RGS21: variants seen among roughly 807,000 people sequenced by gnomAD.
RGS21 encodes the protein regulator of G-protein signalling 21.
RGS21 carries 19 observed loss-of-function variants against 18.7 expected under a neutral mutation model. The observed-to-expected ratio is 1.01, with a 90% CI of 0.71 to 1.49. The LOEUF (loss-of-function observed/expected upper bound fraction) is 1.49. Among genes scored for constraint, RGS21 ranks in the 40% most tolerant of loss-of-function variants. The pLI, the probability that RGS21 is intolerant of heterozygous loss-of-function variation, is 0.00. For synonymous variants in RGS21, 56 were observed against 57.8 expected (o/e 0.97, Z 0.14); for missense variants, 194 against 176.8 (o/e 1.10, Z -0.55).
Position 192,343,018 on chromosome 1 carries a change from A to G in RGS21, c.-19A>G, listed in dbSNP as rs187599012. The stretch of plus-strand genomic sequence containing the variant: ...AAAGAGAAACTCGGCATCATCTGTG[A>G]CAGACAGTGGAACGAAAAATGCCAG... On this transcript the variant is annotated 5_prime_UTR_variant, in exon 2 of 5. Transcript: ENST00000417209. 2 of 1,612,432 alleles carry G rather than the reference A, an allele frequency of 1.2e-6. No individual in the cohort carries two copies. Among genetic ancestry groups the G allele is most frequent in the Non-Finnish European group, 1.7e-6 (2 of 1,178,658 alleles).
chr1:192,365,719 C>CA (rs1394071352), intron 4 of RGS21, among the ~76,000 whole-genome samples: 1 of 152,032 alleles, frequency 6.6e-6, no homozygotes, highest in Admixed American at 6.6e-5. Flanking sequence ...TGTTTCCTGT[C>CA]AATGCTACCC....
rs770499708 is a variant in RGS21 at position 192,366,078 on chromosome 1, A to G, written c.413A>G (p.Asn138Ser). The stretch of plus-strand genomic sequence containing the variant: ...TCAGAGATTTATAAAAAACTGGTAA[A>G]TAGCCAACAGGTTCCAAATCATAAA... ...LKSEIYKKLV[N>S]SQQVPNHKKW... The change falls in exon 5 of 5, where the codon AAT becomes AGT. Residue 138 changes from asparagine to serine, a missense_variant. Asn to Ser is a conservative substitution (Grantham distance 46). Transcript: ENST00000417209. 9 of 1,611,788 alleles carry G rather than the reference A, an allele frequency of 5.6e-6. No individual in the cohort carries two copies. In the East Asian group the frequency reaches 2.0e-4, roughly 36 times the overall value.
chr1:192,317,827 CTTA>C (rs1048696159), intron 1 of RGS21, among the ~76,000 whole-genome samples: 13 of 151,776 alleles, frequency 8.6e-5, no homozygotes, highest in African/African-American at 1.2e-4. Context: ...TAAGTAAAGT[CTTA>C]TTAACTTATA....
chr1:192,350,794 C>T (rs1354477840), intron 3 of RGS21, among the ~76,000 whole-genome samples: 28 of 152,148 alleles, frequency 1.8e-4, no homozygotes, highest in Admixed American at 1.8e-3. Context: ...TAACTAGAGG[C>T]ACTTACCTTC....
chr1:192,330,868 T>TA lies in RGS21; in HGVS notation c.-60-12108dup, dbSNP rs200474748. Among the ~76,000 whole-genome samples the TA allele has an allele frequency of 6.2e-3, 951 of 152,302 alleles. 13 individuals carry two copies. The highest frequency in any genetic ancestry group is 0.021 in the African/African-American group (880 of 41,566). On this transcript the variant is annotated intron_variant, in intron 1 of 4. Transcript: ENST00000417209. Reference sequence around the variant, plus strand: ...AAAACAAAAAATAAGGATTGAATGATAGACAATTGAAAATGAATTCAGTTT... The same window carrying TA: ...AAAACAAAAAATAAGGATTGAATGATAAGACAATTGAAAATGAATTCAGTTT...
intron 1 of RGS21, among the ~76,000 whole-genome samples, chr1:192,323,612 CAT>C (rs1048883631): frequency 3.3e-5 from 5 of 151,890 alleles, no homozygotes; most frequent in Non-Finnish European, 7.4e-5. Flanking sequence ...TAGAAGGAGA[CAT>C]GTGGATAGAG....
intron 4 of RGS21, among the ~76,000 whole-genome samples, chr1:192,356,887 G>C (rs1659119489): frequency 6.6e-6 from 1 of 151,664 alleles, no homozygotes; most frequent in Non-Finnish European, 1.5e-5. Flanking sequence ...CAATGTGCTT[G>C]CTTATTTGTT....
intron 2 of RGS21, among the ~76,000 whole-genome samples, chr1:192,344,581 T>C (rs779339010): frequency 5.3e-5 from 8 of 152,130 alleles, no homozygotes; most frequent in Non-Finnish European, 1.0e-4. Context: ...TTTCAGTTTA[T>C]TCATAGATAC....
chr1:192,326,541 T>C (rs1658570890), intron 1 of RGS21, among the ~76,000 whole-genome samples: 1 of 152,244 alleles, frequency 6.6e-6, no homozygotes, highest in African/African-American at 2.4e-5. Flanking sequence ...GTTTGTCATA[T>C]TGCTTAATCA....
At position 192,343,003 on chromosome 1, in the gene RGS21, T is replaced by A. The variant is rs768276360; in HGVS notation, c.-34T>A. ...TTGAAGATCAGTCAGAAAGAGAAAC[T>A]CGGCATCATCTGTGACAGACAGTGG... On this transcript the variant is annotated 5_prime_UTR_variant, in exon 2 of 5. Coordinates refer to ENST00000417209, the MANE Select transcript of RGS21 (RefSeq NM_001039152.3). 12 of 1,611,134 alleles carry A rather than the reference T, an allele frequency of 7.4e-6. No individual in the cohort carries two copies. The South Asian group carries it at 1.2e-4, about 16-fold the overall frequency.
At chr1:192,351,973 T>C in intron 3 of RGS21, 74 bp from the exon 4 acceptor site, 6 of 766,186 alleles carry the variant, frequency 7.8e-6, no homozygotes, top group Non-Finnish European at 1.0e-5. Flanking sequence ...GCTCATATTA[T>C]ACAATGTACT....
At chr1:192,348,496 A>G (rs1456744477) in intron 3 of RGS21, among the ~76,000 whole-genome samples, 9 of 152,234 alleles carry the variant, frequency 5.9e-5, no homozygotes, top group Admixed American at 5.9e-4. Context: ...ACTTTCAGTG[A>G]ATATGAAAAC....
chr1:192,366,478 C>T lies in RGS21; in HGVS notation c.*354C>T, dbSNP rs1285434405. On this transcript the variant is annotated 3_prime_UTR_variant, in exon 5 of 5. Coordinates refer to ENST00000417209, the MANE Select transcript of RGS21 (RefSeq NM_001039152.3). ...GCATCATATACACAATTTTAAATAC[C>T]ATTGCTTTATTCAAAAAAATCTCAC... The T allele has an allele frequency of 6.5e-6, 1 of 154,002 alleles. No homozygotes were observed. Among genetic ancestry groups the T allele is most frequent in the African/African-American group, 2.4e-5 (1 of 41,452 alleles). The allele number at this position is 154,002 out of a possible 1,614,324, so 9.5% of individuals were successfully genotyped here.
At chr1:192,364,279 T>C (rs1659224976) in intron 4 of RGS21, among the ~76,000 whole-genome samples, 1 of 152,064 alleles carries the variant, frequency 6.6e-6, no homozygotes, top group African/African-American at 2.4e-5. Flanking sequence ...CTCAAGAAGG[T>C]AATCAAAGGA....
chr1:192,334,290 G>C (rs1413005676), intron 1 of RGS21, among the ~76,000 whole-genome samples: 1 of 151,980 alleles, frequency 6.6e-6, no homozygotes, highest in Non-Finnish European at 1.5e-5. Flanking sequence ...GCTCACTTTA[G>C]GTTATCACCT....
At chr1:192,329,951 A>C (rs1347546280) in intron 1 of RGS21, among the ~76,000 whole-genome samples, 2 of 152,178 alleles carry the variant, frequency 1.3e-5, no homozygotes, top group African/African-American at 4.8e-5. Flanking sequence ...CATGTGGTGA[A>C]GAGCTCCCTA....
chr1:192,326,989 T>C (rs544352293), intron 1 of RGS21, among the ~76,000 whole-genome samples: 75 of 152,176 alleles, frequency 4.9e-4, no homozygotes, highest in Non-Finnish European at 8.5e-4. Flanking sequence ...TCAAGGATGG[T>C]AGAAAAATCC....
At chr1:192,355,177 A>G (rs936632330) in intron 4 of RGS21, among the ~76,000 whole-genome samples, 2 of 151,652 alleles carry the variant, frequency 1.3e-5, no homozygotes, top group Non-Finnish European at 3.0e-5. Context: ...GTCATAAGCT[A>G]TTTATCTCTC....
intron 1 of RGS21, among the ~76,000 whole-genome samples, chr1:192,322,020 C>A (rs2102220873): frequency 6.6e-6 from 1 of 152,188 alleles, no homozygotes; most frequent in South Asian, 2.1e-4. Flanking sequence ...ATCTTTTAAA[C>A]ACACAATATG....
Sources: allele counts gnomAD v4.1 joint callset (sites outside exome capture counted in the v4.1 genomes callset), GRCh38; gene constraint gnomAD v4.1.1; transcripts MANE v1.5; gene names NCBI Gene and HGNC (gene_info 2026-07-23, HGNC 2026-07-21).